Variants in INPP5A observed in about 807,000 individuals in gnomAD.
INPP5A encodes inositol polyphosphate-5-phosphatase A.
A neutral mutation model predicts 65.2 loss-of-function variants in INPP5A; 14 were observed. The ratio of observed to expected loss-of-function variants is 0.21; its 90% CI spans 0.14 to 0.34. INPP5A has a LOEUF of 0.34. INPP5A is among the 10% of genes least tolerant of loss of function. The pLI, the probability that INPP5A is intolerant of heterozygous loss-of-function variation, is 1.00. For synonymous variants in INPP5A, 207 were observed against 208.3 expected (o/e 0.99, Z 0.05); for missense variants, 431 against 545.6 (o/e 0.79, Z 2.09).
chr10:132,699,636 C>G (rs1053432703), intron 6 of INPP5A, among the ~76,000 whole-genome samples: 2 of 152,046 alleles, frequency 1.3e-5, no homozygotes, highest in Non-Finnish European at 2.9e-5. Flanking sequence ...GGGTGGGGGC[C>G]GAGGTGTGTC....
At chr10:132,719,452 C>T (rs1464923176) in intron 8 of INPP5A, among the ~76,000 whole-genome samples, 2 of 150,124 alleles carry the variant, frequency 1.3e-5, no homozygotes, top group Non-Finnish European at 3.0e-5. Flanking sequence ...TACCTGGGTT[C>T]TGTCTGGGCA....
chr10:132,572,287 C>G (rs1308649297), intron 1 of INPP5A, among the ~76,000 whole-genome samples: 1 of 143,430 alleles, frequency 7.0e-6, no homozygotes, highest in East Asian at 2.1e-4. Flanking sequence ...GCAAGATGCC[C>G]CTGGTGGCAA....
intron 6 of INPP5A, among the ~76,000 whole-genome samples, chr10:132,703,834 AC>A (rs1176266228): frequency 3.0e-4 from 4 of 13,194 alleles, no homozygotes; most frequent in African/African-American, 4.0e-4. Flanking sequence ...ACGTGGCTTC[AC>A]CCCCCCCCAC....
chr10:132,777,192 C>G (rs965771033), intron 12 of INPP5A, among the ~76,000 whole-genome samples: 4 of 152,222 alleles, frequency 2.6e-5, no homozygotes, highest in Admixed American at 2.6e-4. Flanking sequence ...CACCTGGATG[C>G]TCCCCGAGGT....
At chr10:132,757,326 T>G (rs1031583267) in intron 11 of INPP5A, among the ~76,000 whole-genome samples, 1 of 152,256 alleles carries the variant, frequency 6.6e-6, no homozygotes, top group African/African-American at 2.4e-5. Flanking sequence ...CCAGCTCCCT[T>G]CGCGAGCGGG....
intron 12 of INPP5A, among the ~76,000 whole-genome samples, chr10:132,776,041 G>T (rs1200180029): frequency 3.3e-5 from 5 of 152,078 alleles, no homozygotes; most frequent in African/African-American, 7.2e-5. Context: ...GGCTGGGCAG[G>T]CCCCTGCCTG....
chr10:132,709,929 T>C (rs1389674239), intron 7 of INPP5A, among the ~76,000 whole-genome samples: 1 of 152,182 alleles, frequency 6.6e-6, no homozygotes, highest in East Asian at 1.9e-4. Flanking sequence ...GAAGCACTCT[T>C]CTTGCCTGTC....
At position 132,546,468 on chromosome 10, in the gene INPP5A, C is replaced by T. The variant is rs1443703365; in HGVS notation, c.75+8297C>T. ...AGCCGGTTGTCTTCTTGATCCTTCT[C>T]TCCGACAGGAGTGTGAGACTCCTCT... On this transcript the variant is annotated intron_variant, in intron 1 of 15. Coordinates refer to ENST00000368594, the MANE Select transcript of INPP5A (RefSeq NM_005539.5). This position sits in a 1 kb window ranked among gnomAD's most constrained non-coding sequence, Gnocchi z 5.7. Among the ~76,000 whole-genome samples, 3 of 152,110 alleles carry T rather than the reference C, an allele frequency of 2.0e-5. No individual in the cohort carries two copies. The highest frequency in any genetic ancestry group is 4.4e-5 in the Non-Finnish European group (3 of 68,006).
In INPP5A at chr10:132,637,853, G is replaced by A. The variant is rs1020651351; in HGVS notation, c.118-8015G>A. Among the ~76,000 whole-genome samples the A allele has an allele frequency of 3.3e-5, 5 of 152,086 alleles. No homozygotes were observed. Among genetic ancestry groups the A allele is most frequent in the African/African-American group, 4.8e-5 (2 of 41,394 alleles). ...TCCCGTCCTGTTCTGCCTCACGGTCGTTTTCCTCAGGTCGGGCACGTTTTC... is the reference window on the plus strand; with the variant it reads ...TCCCGTCCTGTTCTGCCTCACGGTCATTTTCCTCAGGTCGGGCACGTTTTC... On this transcript the variant is annotated intron_variant, in intron 2 of 15. Transcript: ENST00000368594. This position sits in a 1 kb window ranked among gnomAD's most constrained non-coding sequence, Gnocchi z 4.1.
At chr10:132,780,151 A>G (rs753118293) in intron 13 of INPP5A, among the ~76,000 whole-genome samples, 1 of 152,228 alleles carries the variant, frequency 6.6e-6, no homozygotes, top group Non-Finnish European at 1.5e-5. Flanking sequence ...ACTGCATTAA[A>G]GATAACTCAG....
chr10:132,565,638 T>G (rs1186798222), intron 1 of INPP5A, among the ~76,000 whole-genome samples: 1 of 151,944 alleles, frequency 6.6e-6, no homozygotes, highest in Non-Finnish European at 1.5e-5. Flanking sequence ...TGTATATGTA[T>G]GTATATGTGT....
At chr10:132,624,103 C>A (rs182329177) in intron 2 of INPP5A, among the ~76,000 whole-genome samples, 1 of 149,916 alleles carries the variant, frequency 6.7e-6, no homozygotes, top group Admixed American at 6.7e-5. Context: ...GGGAATCTGT[C>A]ATTTCTTATA....
intron 1 of INPP5A, among the ~76,000 whole-genome samples, chr10:132,560,722 C>T (rs753746415): frequency 2.0e-5 from 3 of 152,112 alleles, no homozygotes; most frequent in Admixed American, 6.6e-5. Flanking sequence ...TCCCAAGCAG[C>T]AGTGTCTCAC....
intron 9 of INPP5A, among the ~76,000 whole-genome samples, chr10:132,745,679 T>C (rs527581243): frequency 5.5e-5 from 7 of 126,280 alleles, no homozygotes; most frequent in African/African-American, 2.1e-4. Flanking sequence ...CATGGTGGGC[T>C]TCAGGCATGG....
At chr10:132,672,552 C>T (rs1206977517) in intron 4 of INPP5A, among the ~76,000 whole-genome samples, 2 of 152,190 alleles carry the variant, frequency 1.3e-5, no homozygotes, top group Non-Finnish European at 2.9e-5. Flanking sequence ...TAAGATGTGA[C>T]TTGCTCCTCC....
rs1000057390 is a variant in INPP5A, at chr10:132,616,276, A to G, written c.117+8320A>G. Among the ~76,000 whole-genome samples the G allele has an allele frequency of 2.0e-5, 3 of 152,236 alleles. No homozygotes were observed. The highest frequency in any genetic ancestry group is 7.2e-5 in the African/African-American group (3 of 41,472). On this transcript the variant is annotated intron_variant, in intron 2 of 15. Coordinates refer to ENST00000368594, the MANE Select transcript of INPP5A (RefSeq NM_005539.5). The surrounding 1 kb of genome is among the most constrained non-coding windows in gnomAD (Gnocchi z 4.9). Reference sequence around the variant, plus strand: ...TGTGCTTTGTTGGTTGTGAACAAGCATCCAAGGGAGGACCACAGTGGCAGA... The same window carrying G: ...TGTGCTTTGTTGGTTGTGAACAAGCGTCCAAGGGAGGACCACAGTGGCAGA...
chr10:132,749,711 TA>T, intron 10 of INPP5A, 59 bp from the exon 11 acceptor site: 1 of 1,597,460 alleles, frequency 6.3e-7, no homozygotes, highest in Admixed American at 1.7e-5. Flanking sequence ...CGGTGGGGGC[TA>T]GGGGACACGC....
intron 12 of INPP5A, among the ~76,000 whole-genome samples, chr10:132,775,338 C>A (rs535864399): frequency 6.6e-6 from 1 of 151,992 alleles, no homozygotes; most frequent in African/African-American, 2.4e-5. Context: ...GCCTCCCCCC[C>A]CACCCAGCAG....
chr10:132,573,300 T>C (rs2814439), intron 1 of INPP5A, among the ~76,000 whole-genome samples: 25 of 115,742 alleles, frequency 2.2e-4, no homozygotes, highest in East Asian at 1.7e-3. Context: ...GTGTGTGTGC[T>C]GTGTGAGGTT....
Sources: allele counts gnomAD v4.1 joint callset (sites outside exome capture counted in the v4.1 genomes callset), GRCh38; gene constraint gnomAD v4.1.1; non-coding constraint Gnocchi (gnomAD v3.1); transcripts MANE v1.5; gene names NCBI Gene and HGNC (gene_info 2026-07-23, HGNC 2026-07-21).